UGT1A8: variants seen among roughly 807,000 people sequenced by gnomAD.
UGT1A8 encodes the protein UDP glucuronosyltransferase family 1 member A8, also known as UDP-glucuronosyltransferase 1A8.
A neutral mutation model predicts 45.3 loss-of-function variants in UGT1A8; 39 were observed. That is an observed-to-expected ratio of 0.86 (90% CI 0.67 to 1.12). UGT1A8 has a LOEUF of 1.12. Among genes scored for constraint, UGT1A8 ranks in the 50% most tolerant of loss-of-function variants. The probability of loss-of-function intolerance (pLI) is 0.00; values close to 1 mark genes in which losing one functional copy is unlikely to be tolerated. For missense variants in UGT1A8, 719 were observed against 664.9 expected (o/e 1.08, Z -0.90); for synonymous variants, 275 against 249.2 (o/e 1.10, Z -0.97).
chr2:233,651,269 C>T (rs1333217204), intron 1 of UGT1A8, among the ~76,000 whole-genome samples: 2 of 152,182 alleles, frequency 1.3e-5, no homozygotes, highest in East Asian at 1.9e-4. Context: ...CCTGAACCCA[C>T]ACTGAGTTCC....
At chr2:233,690,893 G>T (rs2075019980) in intron 1 of UGT1A8, 20 of 1,043,820 alleles carry the variant, frequency 1.9e-5, no homozygotes, top group Middle Eastern at 4.5e-4. Flanking sequence ...TCAAGGGATG[G>T]TATGCATAGT....
At chr2:233,681,271 C>T (rs141901826) in intron 1 of UGT1A8, among the ~76,000 whole-genome samples, 1 of 152,050 alleles carries the variant, frequency 6.6e-6, no homozygotes, top group African/African-American at 2.4e-5. Flanking sequence ...TAGTGGCTCA[C>T]GCCTGTAATC....
intron 1 of UGT1A8, chr2:233,722,037 T>C (rs1179266679): frequency 1.2e-5 from 3 of 240,304 alleles, no homozygotes; most frequent in African/African-American, 2.3e-5. Flanking sequence ...AATTGCATGA[T>C]TTTGTGGTGT....
chr2:233,738,464 T>C (rs1182388871), intron 1 of UGT1A8, among the ~76,000 whole-genome samples: 1 of 152,210 alleles, frequency 6.6e-6, no homozygotes, highest in Non-Finnish European at 1.5e-5. Flanking sequence ...GTGGGAAAGT[T>C]TGGAACTTCC....
At chr2:233,647,964 G>T in intron 1 of UGT1A8, 1 of 1,607,490 alleles carries the variant, frequency 6.2e-7, no homozygotes, top group Non-Finnish European at 8.5e-7. Context: ...CCATGTGGTC[G>T]GTGGTGGAGA....
At chr2:233,762,311 G>T (rs1026120967) in intron 1 of UGT1A8, among the ~76,000 whole-genome samples, 9 of 152,158 alleles carry the variant, frequency 5.9e-5, no homozygotes, top group African/African-American at 2.2e-4. Context: ...CTAGTTAATG[G>T]GTCGAGAGTA....
chr2:233,736,579 A>C (rs2078778332), intron 1 of UGT1A8, among the ~76,000 whole-genome samples: 2 of 152,120 alleles, frequency 1.3e-5, no homozygotes. Flanking sequence ...GATCCTTTGG[A>C]GGAGATGTGC....
chr2:233,669,119 TG>T (rs1424072535), intron 1 of UGT1A8, among the ~76,000 whole-genome samples: 1 of 152,248 alleles, frequency 6.6e-6, no homozygotes, highest in Non-Finnish European at 1.5e-5. Flanking sequence ...CAGAATTGCC[TG>T]TGCACCTTTG....
At chr2:233,635,591 C>T (rs1575389707) in intron 1 of UGT1A8, among the ~76,000 whole-genome samples, 1 of 150,626 alleles carries the variant, frequency 6.6e-6, no homozygotes, top group East Asian at 1.9e-4. Context: ...TTATATTTGA[C>T]CATGATATAT....
At chr2:233,753,361 T>G (rs1274018871) in intron 1 of UGT1A8, 1 of 152,246 alleles carries the variant, frequency 6.6e-6, no homozygotes, top group Admixed American at 6.5e-5. Context: ...ATTACTTGGG[T>G]GCCATTCCAT....
At chr2:233,742,766 G>T (rs1363291568) in intron 1 of UGT1A8, 4 of 152,980 alleles carry the variant, frequency 2.6e-5, no homozygotes, top group African/African-American at 9.7e-5. Context: ...GATAATAAAT[G>T]CATGTTGTTT....
At chr2:233,736,896 C>A (rs1212789655) in intron 1 of UGT1A8, among the ~76,000 whole-genome samples, 1 of 152,186 alleles carries the variant, frequency 6.6e-6, no homozygotes, top group African/African-American at 2.4e-5. Context: ...GCTGCCTGAT[C>A]CTTCCTCTGG....
In UGT1A8 at chr2:233,724,159, G is replaced by T. The variant is rs1253730217; in HGVS notation, c.856-42875G>T. Among the ~76,000 whole-genome samples the T allele has an allele frequency of 6.2e-4, 77 of 124,140 alleles. 1 individual carries two copies. Among genetic ancestry groups the T allele is most frequent in the African/African-American group, 2.5e-3 (70 of 28,440 alleles). The allele number at this position is 124,140 out of a possible 152,430, so 81.4% of individuals were successfully genotyped here. A position where few individuals can be genotyped will look rare whatever the true frequency, so the allele number is the denominator to read the frequency against. On this transcript the variant is annotated intron_variant, in intron 1 of 4. Transcript: ENST00000373450. Reference sequence around the variant, plus strand: ...GACGGGGCGGCTGGCCGGGTGGGGGGGCTGACCCCCCCATCTCCCTCCCGG... The same window carrying T: ...GACGGGGCGGCTGGCCGGGTGGGGGTGCTGACCCCCCCATCTCCCTCCCGG...
intron 1 of UGT1A8, chr2:233,708,654 G>A: frequency 6.6e-6 from 1 of 152,194 alleles, no homozygotes; most frequent in Non-Finnish European, 1.5e-5. Flanking sequence ...GGAAGGCTGA[G>A]GTGGGAGGAT....
At chr2:233,730,613 G>C (rs1454743444) in intron 1 of UGT1A8, among the ~76,000 whole-genome samples, 2 of 152,156 alleles carry the variant, frequency 1.3e-5, no homozygotes. Context: ...AGATTTTCTG[G>C]TCAGGATTTG....
chr2:233,711,449 G>C (rs1157119191), intron 1 of UGT1A8, among the ~76,000 whole-genome samples: 1 of 152,222 alleles, frequency 6.6e-6, no homozygotes, highest in Admixed American at 6.5e-5. Flanking sequence ...TTTTAAGGGG[G>C]TTGGAGGAAT....
chr2:233,754,892 C>A, intron 1 of UGT1A8: 1 of 1,351,640 alleles, frequency 7.4e-7, no homozygotes, highest in Non-Finnish European at 9.9e-7. Flanking sequence ...GGGAGTTCCT[C>A]TGACCCCCCA....
At chr2:233,713,248 A>G (rs1380028747) in intron 1 of UGT1A8, 1 of 1,614,142 alleles carries the variant, frequency 6.2e-7, no homozygotes, top group Non-Finnish European at 8.5e-7. Context: ...TCATGGACCC[A>G]GGACGAATTT....
intron 1 of UGT1A8, chr2:233,717,728 T>C (rs1450315023): frequency 2.2e-6 from 1 of 456,056 alleles, no homozygotes; most frequent in Non-Finnish European, 4.4e-6. Flanking sequence ...CATGAGACCA[T>C]TGTGAGTGCT....
Sources: allele counts gnomAD v4.1 joint callset (sites outside exome capture counted in the v4.1 genomes callset), GRCh38; gene constraint gnomAD v4.1.1; transcripts MANE v1.5; gene names NCBI Gene and HGNC (gene_info 2026-07-23, HGNC 2026-07-21).